Variants in CTNNA2 observed in about 807,000 individuals in gnomAD.
The protein encoded by CTNNA2 is catenin alpha 2.
Under a neutral mutation model 101.0 loss-of-function variants are expected in CTNNA2, and 42 were observed. The observed-to-expected ratio is 0.42, with a 90% CI of 0.32 to 0.54. The LOEUF (loss-of-function observed/expected upper bound fraction) is 0.54. Among genes scored for constraint, CTNNA2 ranks in the 20% least tolerant of loss-of-function variants. The pLI is 0.14. For missense variants in CTNNA2, 871 were observed against 1,223.1 expected (o/e 0.71, Z 4.29); for synonymous variants, 450 against 456.4 (o/e 0.99, Z 0.18).
intron 11 of CTNNA2, among the ~76,000 whole-genome samples, chr2:80,546,480 T>C (rs1038585355): frequency 3.9e-5 from 6 of 152,194 alleles, no homozygotes; most frequent in African/African-American, 1.2e-4. Context: ...TTGTTTTTTT[T>C]CCAACAAGTG....
At chr2:79,578,991 C>G (rs1272372418) in intron 1 of CTNNA2, among the ~76,000 whole-genome samples, 1 of 152,122 alleles carries the variant, frequency 6.6e-6, no homozygotes, top group Non-Finnish European at 1.5e-5. Context: ...GACATTACTA[C>G]TAATAACTTA....
intron 4 of CTNNA2, among the ~76,000 whole-genome samples, chr2:79,384,902 G>T (rs1264060821): frequency 3.3e-5 from 5 of 152,062 alleles, no homozygotes; most frequent in Non-Finnish European, 7.4e-5. Context: ...ACATTAAAAG[G>T]CATTTGTTGT....
intron 3 of CTNNA2, among the ~76,000 whole-genome samples, chr2:79,341,264 TG>T (rs1677131252): frequency 6.6e-6 from 1 of 152,100 alleles, no homozygotes; most frequent in Admixed American, 6.5e-5. Flanking sequence ...CAGTCTAGAA[TG>T]AATATAAAAA....
chr2:79,936,665 A>G (rs1294223164), intron 7 of CTNNA2, among the ~76,000 whole-genome samples: 2 of 152,106 alleles, frequency 1.3e-5, no homozygotes, highest in East Asian at 3.9e-4. Context: ...ACCTTAAGCC[A>G]TCGTTCCTCA....
chr2:80,190,137 A>AT (rs1212826436), intron 7 of CTNNA2, among the ~76,000 whole-genome samples: 1 of 151,940 alleles, frequency 6.6e-6, no homozygotes, highest in African/African-American at 2.4e-5. Flanking sequence ...ATAGGGGTTA[A>AT]TGAGGTTAAC....
intron 7 of CTNNA2, among the ~76,000 whole-genome samples, chr2:80,337,097 T>G (rs1177982461): frequency 1.3e-5 from 2 of 152,086 alleles, no homozygotes; most frequent in Admixed American, 1.3e-4. Flanking sequence ...GGCTTACCCC[T>G]GTAATCCCAG....
intron 7 of CTNNA2, among the ~76,000 whole-genome samples, chr2:79,915,392 T>A (rs1035330132): frequency 6.6e-6 from 1 of 152,172 alleles, no homozygotes; most frequent in Non-Finnish European, 1.5e-5. Context: ...TTGCAATCTA[T>A]TCTCTTTACT....
At chr2:79,653,371 C>T (rs550714971) in intron 2 of CTNNA2, among the ~76,000 whole-genome samples, 1 of 152,256 alleles carries the variant, frequency 6.6e-6, no homozygotes, top group South Asian at 2.1e-4. Context: ...GTGTTACCAC[C>T]GTTGTAGGAT....
chr2:80,306,796 GAAA>G (rs35209888), intron 7 of CTNNA2, among the ~76,000 whole-genome samples: 1 of 147,460 alleles, frequency 6.8e-6, no homozygotes, highest in Non-Finnish European at 1.5e-5. Context: ...GGGTTGCTAG[GAAA>G]AAAAAAAATC....
At chr2:79,952,516 T>C (rs940113017) in intron 7 of CTNNA2, among the ~76,000 whole-genome samples, 1 of 152,218 alleles carries the variant, frequency 6.6e-6, no homozygotes, top group African/African-American at 2.4e-5. Flanking sequence ...GTCATATAAA[T>C]TACATCTCAA....
intron 6 of CTNNA2, among the ~76,000 whole-genome samples, chr2:79,899,322 T>TA (rs1233627786): frequency 6.6e-6 from 1 of 152,212 alleles, no homozygotes; most frequent in African/African-American, 2.4e-5. Context: ...TTTACGTACT[T>TA]AATTGTAAAC....
At chr2:79,938,960 A>T (rs1362924789) in intron 7 of CTNNA2, among the ~76,000 whole-genome samples, 1 of 152,210 alleles carries the variant, frequency 6.6e-6, no homozygotes, top group East Asian at 1.9e-4. Flanking sequence ...TATCACTGAC[A>T]GACAATGCCA....
chr2:79,797,432 G>A (rs1268071177), intron 3 of CTNNA2, among the ~76,000 whole-genome samples: 4 of 152,040 alleles, frequency 2.6e-5, no homozygotes, highest in South Asian at 2.1e-4. Context: ...AGGCCAAGGC[G>A]GGTGGATCAC....
chr2:80,307,045 TTA>T (rs528786502), intron 7 of CTNNA2, among the ~76,000 whole-genome samples: 29 of 148,060 alleles, frequency 2.0e-4, no homozygotes, highest in African/African-American at 3.2e-4. Flanking sequence ...AATAAATAAA[TTA>T]TATATATATA....
chr2:79,730,920 T>G (rs1179370732), intron 2 of CTNNA2, among the ~76,000 whole-genome samples: 1 of 152,082 alleles, frequency 6.6e-6, no homozygotes, highest in African/African-American at 2.4e-5. Flanking sequence ...TAAATCATTT[T>G]TATTTGATGC....
chr2:80,289,870 T>C (rs1481695520), intron 7 of CTNNA2, among the ~76,000 whole-genome samples: 1 of 152,134 alleles, frequency 6.6e-6, no homozygotes, highest in African/African-American at 2.4e-5. Flanking sequence ...CTGCTACGGA[T>C]GATGGAGTAA....
Position 79,401,888 on chromosome 2 carries a change from CA to C in CTNNA2, c.-135+27877del, listed in dbSNP as rs565274231. Among the ~76,000 whole-genome samples the C allele has an allele frequency of 4.0e-5, 6 of 150,790 alleles. No homozygotes were observed. The South Asian group carries it at 1.3e-3, about 32-fold the overall frequency. Reference sequence around the variant, plus strand: ...AAAAGAATTAACAAGAAACAGATTCCAATATATGTTATACACTGTCCACAAG... The same window carrying C: ...AAAAGAATTAACAAGAAACAGATTCCATATATGTTATACACTGTCCACAAG... On this transcript the variant is annotated intron_variant, in intron 4 of 21. Coordinates refer to the CTNNA2 transcript ENST00000466387.
At chr2:79,577,015 G>C (rs1285094350) in intron 1 of CTNNA2, among the ~76,000 whole-genome samples, 1 of 152,042 alleles carries the variant, frequency 6.6e-6, no homozygotes, top group Non-Finnish European at 1.5e-5. Context: ...TTTTCTTTAA[G>C]CTTGTAACAG....
At chr2:79,773,082 G>A (rs971214301) in intron 3 of CTNNA2, among the ~76,000 whole-genome samples, 10 of 152,102 alleles carry the variant, frequency 6.6e-5, no homozygotes, top group Admixed American at 5.2e-4. Context: ...ATTATAAAAG[G>A]CATCTAGTCA....
Sources: gnomAD v4.1 joint callset for allele counts (sites outside exome capture counted in the v4.1 genomes callset) on GRCh38, gnomAD v4.1.1 for gene constraint, MANE v1.5 for transcripts, NCBI Gene and HGNC (gene_info 2026-07-23, HGNC 2026-07-21) for gene names.